Variants in DNER observed in about 807,000 individuals in gnomAD.
DNER encodes the protein delta and Notch-like epidermal growth factor-related receptor.
A neutral mutation model predicts 78.2 loss-of-function variants in DNER; 33 were observed. That is an observed-to-expected ratio of 0.42 (90% confidence interval 0.32 to 0.56). The LOEUF is 0.56. DNER is among the 20% of genes least tolerant of loss of function. The pLI, the probability that DNER is intolerant of heterozygous loss-of-function variation, is 0.11. For synonymous variants in DNER, 417 were observed against 384.8 expected (o/e 1.08, Z -0.98); for missense variants, 918 against 975.3 (o/e 0.94, Z 0.78).
intron 6 of DNER, among the ~76,000 whole-genome samples, chr2:229,485,919 C>T (rs548774753): frequency 4.6e-5 from 7 of 152,180 alleles, no homozygotes; most frequent in Non-Finnish European, 7.4e-5. Context: ...GCAATTGCGA[C>T]GAGAGCTATT....
In DNER at chr2:229,509,503, C is replaced by T. The variant is rs116928419; in HGVS notation, c.1147+3280G>A. ...TGATCCAGGTCCTGCCCTCATGTGG[C>T]TTAACAATCCTTTTAAAAAGGGAAG... On this transcript the variant is annotated intron_variant, in intron 6 of 12. Coordinates refer to ENST00000341772, the MANE Select transcript of DNER (RefSeq NM_139072.4). 2.0e-5 allele frequency among the ~76,000 whole-genome samples: 3 copies of T among 152,326 alleles called. No individual in the cohort carries two copies. The East Asian group carries it at 5.8e-4, about 29-fold the overall frequency.
intron 7 of DNER, among the ~76,000 whole-genome samples, chr2:229,453,920 T>TAAAAAAAAAAAAAAAA (rs10602558): frequency 2.8e-5 from 3 of 106,864 alleles, no homozygotes; most frequent in Non-Finnish European, 3.8e-5. Context: ...TAAAATATAT[T>TAAAAAAAAAAAAAAAA]AAAAAAAAAA....
In DNER at chr2:229,677,629, AT is replaced by A. The variant is rs1448768187; in HGVS notation, c.276+36518del. Among the ~76,000 whole-genome samples, 5 of 152,168 alleles carry A rather than the reference AT, an allele frequency of 3.3e-5. No homozygotes were observed. The East Asian group carries it at 7.7e-4, about 23-fold the overall frequency. On this transcript the variant is annotated intron_variant, in intron 1 of 12. Transcript: ENST00000341772. ...CAGGGTGGAAGGGTGATTACAATGA[AT>A]TTTTTTTAATCTACATTGGTTGTAA...
At chr2:229,468,835 G>A (rs1480645714) in intron 7 of DNER, among the ~76,000 whole-genome samples, 1 of 152,050 alleles carries the variant, frequency 6.6e-6, no homozygotes, top group African/African-American at 2.4e-5. Context: ...GAGGGTTCTG[G>A]GCAGGAAGAC....
At chr2:229,704,830 G>C (rs12473075) in intron 1 of DNER, among the ~76,000 whole-genome samples, 32 of 152,202 alleles carry the variant, frequency 2.1e-4, no homozygotes, top group African/African-American at 6.7e-4. Context: ...AAATGAAAAG[G>C]GTCTGGGAAT....
At chr2:229,391,921 G>T (rs1439863962) in intron 10 of DNER, among the ~76,000 whole-genome samples, 1 of 152,098 alleles carries the variant, frequency 6.6e-6, no homozygotes, top group African/African-American at 2.4e-5. Context: ...TACTTATGTA[G>T]ATTTACAAGC....
chr2:229,689,103 A>G (rs1054637477), intron 1 of DNER, among the ~76,000 whole-genome samples: 3 of 152,344 alleles, frequency 2.0e-5, no homozygotes, highest in Admixed American at 6.5e-5. Flanking sequence ...ATGTTTACCT[A>G]TGTAACAAAC....
intron 10 of DNER, among the ~76,000 whole-genome samples, chr2:229,393,963 C>A (rs371713444): frequency 6.6e-6 from 1 of 152,102 alleles, no homozygotes; most frequent in Non-Finnish European, 1.5e-5. Context: ...GGATATGAGG[C>A]CAAAAATAAT....
At chr2:229,574,325 GAAGA>G (rs1697259982) in intron 4 of DNER, among the ~76,000 whole-genome samples, 1 of 152,058 alleles carries the variant, frequency 6.6e-6, no homozygotes, top group Non-Finnish European at 1.5e-5. Context: ...CAGAAAAAAG[GAAGA>G]AAGAAAGGAA....
At chr2:229,627,384 C>G (rs564048117) in intron 1 of DNER, among the ~76,000 whole-genome samples, 1 of 152,338 alleles carries the variant, frequency 6.6e-6, no homozygotes, top group African/African-American at 2.4e-5. Flanking sequence ...TATTTCACAA[C>G]TTTAGACATA....
At chr2:229,395,413 G>A (rs1011883806) in intron 10 of DNER, among the ~76,000 whole-genome samples, 14 of 152,200 alleles carry the variant, frequency 9.2e-5, no homozygotes, top group African/African-American at 3.4e-4. Flanking sequence ...TTGCCCATCA[G>A]CCTCAGGGGA....
At position 229,612,409 on chromosome 2, in the gene DNER, A is replaced by T. The variant is rs537257813; in HGVS notation, c.277-20521T>A. Among the ~76,000 whole-genome samples the T allele has an allele frequency of 7.7e-4, 117 of 152,250 alleles. 1 individual carries two copies. The highest frequency in any genetic ancestry group is 1.2e-3 in the South Asian group (6 of 4,824). ...AAAGGACAAAACATCCCAGAGAGAGATTTACTGTAAAGGGGGAAGGCATCT... is the reference window on the plus strand; with the variant it reads ...AAAGGACAAAACATCCCAGAGAGAGTTTTACTGTAAAGGGGGAAGGCATCT... On this transcript the variant is annotated intron_variant, in intron 1 of 12. Coordinates refer to ENST00000341772, the MANE Select transcript of DNER (RefSeq NM_139072.4).
At position 229,585,908 on chromosome 2, in the gene DNER, C is replaced by T. The variant is rs146328067; in HGVS notation, c.797G>A (p.Gly266Glu). 6.2e-7 allele frequency: 1 copy of T among 1,614,022 alleles called. No homozygotes were observed. The highest frequency in any genetic ancestry group is 1.1e-5 in the South Asian group (1 of 91,062). ...GAGCATCTCCTCCAGGAGGACCAGT[C>T]CCCCTGAAGCCTGAAGGGGGGTCAC... ...RSVTPLQASG[G>E]LVLLEEMLAL... Residue 266 changes from glycine to glutamate, a missense_variant, in exon 4 of 13, where the codon GGA becomes GAA. Transcript: ENST00000341772.
intron 1 of DNER, among the ~76,000 whole-genome samples, chr2:229,695,948 T>C (rs993006595): frequency 6.6e-6 from 1 of 152,132 alleles, no homozygotes; most frequent in African/African-American, 2.4e-5. Flanking sequence ...GTTTGTTTGC[T>C]GGGGGTGGGA....
Position 229,714,135 on chromosome 2 carries a change from C to T in DNER, c.276+13G>A, listed in dbSNP as rs555130541. 47 of 1,295,146 alleles carry T rather than the reference C, an allele frequency of 3.6e-5. No individual in the cohort carries two copies. Among genetic ancestry groups the T allele is most frequent in the Middle Eastern group, 3.0e-4 (1 of 3,380 alleles). The allele number at this position is 1,295,146 out of a possible 1,614,324, so 80.2% of individuals were successfully genotyped here. ...GACCAGCGCCCCGCACCGCGCCCGCCGCTTCCACTCACCTGGCAGTTGGCG... is the reference window on the plus strand; with the variant it reads ...GACCAGCGCCCCGCACCGCGCCCGCTGCTTCCACTCACCTGGCAGTTGGCG... On this transcript the variant is annotated intron_variant, in intron 1 of 12. Transcript: ENST00000341772.
intron 5 of DNER, among the ~76,000 whole-genome samples, chr2:229,523,053 G>C (rs72983889): frequency 0.081 from 12,364 of 152,294 alleles, 656 homozygotes; most frequent in Admixed American, 0.14. Context: ...AGGTAGGAGG[G>C]ACAGGACTCA....
At chr2:229,545,286 A>C (rs1484223499) in intron 5 of DNER, among the ~76,000 whole-genome samples, 2 of 152,110 alleles carry the variant, frequency 1.3e-5, no homozygotes, top group African/African-American at 4.8e-5. Context: ...ATTTTAAGGA[A>C]GCTCTAGGCC....
At chr2:229,624,142 G>A (rs1698298618) in intron 1 of DNER, among the ~76,000 whole-genome samples, 1 of 152,096 alleles carries the variant, frequency 6.6e-6, no homozygotes, top group South Asian at 2.1e-4. Flanking sequence ...CAGAAAGCTG[G>A]GGTCAGCTAG....
At position 229,654,656 on chromosome 2, in the gene DNER, C is replaced by T. The variant is rs142078725; in HGVS notation, c.276+59492G>A. Among the ~76,000 whole-genome samples, 27 of 152,292 alleles carry T rather than the reference C, an allele frequency of 1.8e-4. No individual in the cohort carries two copies. In the East Asian group the frequency reaches 4.6e-3, roughly 26 times the overall value. On this transcript the variant is annotated intron_variant, in intron 1 of 12. Transcript: ENST00000341772. Reference sequence around the variant, plus strand: ...CTCTGGCCTTCGGGCACTGCCTATGCTTATGTGTCACACAAGTCTCAATTT... The same window carrying T: ...CTCTGGCCTTCGGGCACTGCCTATGTTTATGTGTCACACAAGTCTCAATTT...
Sources: allele counts gnomAD v4.1 joint callset (sites outside exome capture counted in the v4.1 genomes callset), GRCh38; gene constraint gnomAD v4.1.1; transcripts MANE v1.5; gene names NCBI Gene and HGNC (gene_info 2026-07-23, HGNC 2026-07-21).